Variants in MAPKBP1 observed in about 807,000 individuals in gnomAD.
MAPKBP1 encodes mitogen-activated protein kinase binding protein 1, also known as mitogen-activated protein kinase-binding protein 1.
A neutral mutation model predicts 170.5 loss-of-function variants in MAPKBP1; 71 were observed. The ratio of observed to expected loss-of-function variants is 0.42; its 90% CI spans 0.34 to 0.51. The LOEUF is 0.51. Among genes scored for constraint, MAPKBP1 ranks in the 20% least tolerant of loss-of-function variants. The probability of loss-of-function intolerance (pLI) is 0.06; values close to 1 mark genes in which losing one functional copy is unlikely to be tolerated. For missense variants in MAPKBP1, 1,598 were observed against 1,933.0 expected (o/e 0.83, Z 3.25); for synonymous variants, 719 against 757.9 (o/e 0.95, Z 0.84).
chr15:41,795,962 A>T (rs2064481511), intron 2 of MAPKBP1, among the ~76,000 whole-genome samples: 1 of 152,176 alleles, frequency 6.6e-6, no homozygotes, highest in Admixed American at 6.6e-5. Flanking sequence ...AGAAAAGACT[A>T]TAGGGGGTAA....
At chr15:41,799,751 C>T in intron 2 of MAPKBP1, 72 bp from the exon 3 acceptor site, 2 of 1,278,394 alleles carry the variant, frequency 1.6e-6, no homozygotes, top group South Asian at 2.4e-5. Context: ...CAGGATGGTC[C>T]CAAGTACCTT....
chr15:41,825,308 G>C lies in MAPKBP1; in HGVS notation c.4399G>C (p.Gly1467Arg). Reference sequence around the variant, plus strand: ...GCGACAGGAGCTGGAAGCTGTGGCTGGGGCAGTGCTGTCCAGCCCAGGCAG... The same window carrying C: ...GCGACAGGAGCTGGAAGCTGTGGCTCGGGCAGTGCTGTCCAGCCCAGGCAG... ...SVRQELEAVA[G>R]AVLSSPGSSP... Residue 1467 changes from glycine to arginine, a missense_variant, in exon 31 of 31, where the codon GGG becomes CGG. Gly to Arg is a moderately radical substitution (Grantham distance 125). Transcript: ENST00000457542. 4 of 1,613,214 alleles carry C rather than the reference G, an allele frequency of 2.5e-6. No individual in the cohort carries two copies. In the South Asian group the frequency reaches 3.3e-5, roughly 13 times the overall value.
At chr15:41,813,137 A>G (rs1596088111) in intron 8 of MAPKBP1, 36 bp downstream of exon 8, 4 of 1,575,370 alleles carry the variant, frequency 2.5e-6, no homozygotes, top group Non-Finnish European at 3.4e-6. Context: ...GGGTCTGCTC[A>G]TGTCTCAGCT....
At chr15:41,794,521 A>G (rs952870208) in intron 2 of MAPKBP1, among the ~76,000 whole-genome samples, 1 of 152,200 alleles carries the variant, frequency 6.6e-6, no homozygotes, top group Non-Finnish European at 1.5e-5. Flanking sequence ...TACCTGTACC[A>G]TTAAGTGCCC....
intron 2 of MAPKBP1, among the ~76,000 whole-genome samples, chr15:41,782,837 C>G (rs2064214328): frequency 6.6e-6 from 1 of 152,166 alleles, no homozygotes; most frequent in African/African-American, 2.4e-5. Context: ...TACTTTGTCC[C>G]CAACATTCCT....
In MAPKBP1 at chr15:41,778,937, A is replaced by T. The variant is rs140297397; in HGVS notation, c.114+3548A>T. Among the ~76,000 whole-genome samples the T allele has an allele frequency of 3.0e-4, 46 of 152,324 alleles. No homozygotes were observed. The East Asian group carries it at 8.5e-3, about 28-fold the overall frequency. On this transcript the variant is annotated intron_variant, in intron 2 of 30. Coordinates refer to ENST00000457542, the MANE Select transcript of MAPKBP1 (RefSeq NM_014994.3). Reference sequence around the variant, plus strand: ...ATCGTCCTCCTCCTTAAGAGCCATTAATCTGATCTAGGTTATATTATTCCT... The same window carrying T: ...ATCGTCCTCCTCCTTAAGAGCCATTTATCTGATCTAGGTTATATTATTCCT...
At position 41,818,355 on chromosome 15, in the gene MAPKBP1, G is replaced by T; in HGVS notation, c.2092+50G>T. The T allele has an allele frequency of 6.6e-7, 1 of 1,515,346 alleles. No individual in the cohort carries two copies. Among genetic ancestry groups the T allele is most frequent in the Admixed American group, 1.7e-5 (1 of 59,716 alleles). The allele number at this position is 1,515,346 out of a possible 1,614,324, so 93.9% of individuals were successfully genotyped here. ...TAGAAGCTGATACCTGCGTAAACCT[G>T]AGTGAGTTCCACCCCTGGAACTTCA... On this transcript the variant is annotated intron_variant, in intron 18 of 30. Transcript: ENST00000457542. The surrounding 1 kb of genome is among the most constrained non-coding windows in gnomAD (Gnocchi z 5.2).
chr15:41,799,093 T>G (rs1161874579), intron 2 of MAPKBP1, among the ~76,000 whole-genome samples: 1 of 152,108 alleles, frequency 6.6e-6, no homozygotes, highest in East Asian at 1.9e-4. Context: ...GGGGTAACAA[T>G]ACTAATGATG....
chr15:41,827,468 G>C lies in MAPKBP1; in HGVS notation c.*2032G>C, dbSNP rs1346245889. ...GGCGGGCCCGTGCCTGCTGTGCCCCGACTTCCCACACCAGCCGCGCCCACC... is the reference window on the plus strand; with the variant it reads ...GGCGGGCCCGTGCCTGCTGTGCCCCCACTTCCCACACCAGCCGCGCCCACC... On this transcript the variant is annotated 3_prime_UTR_variant, in exon 31 of 31. Transcript: ENST00000457542. 6.6e-6 allele frequency: 1 copy of C among 152,314 alleles called. No homozygotes were observed. Among genetic ancestry groups the C allele is most frequent in the Non-Finnish European group, 1.5e-5 (1 of 68,154 alleles). The allele number at this position is 152,314 out of a possible 1,614,324, so 9.4% of individuals were successfully genotyped here. A position where few individuals can be genotyped will look rare whatever the true frequency, so the allele number is the denominator to read the frequency against.
At chr15:41,785,846 A>C (rs900937128) in intron 2 of MAPKBP1, among the ~76,000 whole-genome samples, 2 of 152,222 alleles carry the variant, frequency 1.3e-5, no homozygotes, top group Non-Finnish European at 2.9e-5. Flanking sequence ...TCTATTAGAA[A>C]ATTTTGCATA....
chr15:41,786,777 A>AAAAAAAAAAAAAT, intron 2 of MAPKBP1, among the ~76,000 whole-genome samples: 1 of 32,470 alleles, frequency 3.1e-5, no homozygotes, highest in Admixed American at 3.9e-4. Context: ...AAAAAAAAAA[A>AAAAAAAAAAAAAT]ATATATATAT....
intron 2 of MAPKBP1, among the ~76,000 whole-genome samples, chr15:41,794,105 G>A (rs548672984): frequency 6.6e-6 from 1 of 152,202 alleles, no homozygotes; most frequent in East Asian, 1.9e-4. Flanking sequence ...GATGGTGGGT[G>A]CCTGTAATCC....
At chr15:41,814,973 A>G (rs2064865429) in intron 10 of MAPKBP1, among the ~76,000 whole-genome samples, 5 of 152,196 alleles carry the variant, frequency 3.3e-5, no homozygotes, top group Admixed American at 6.5e-5. Context: ...AATTTGACCA[A>G]GCCTCAGTTT....
Position 41,822,103 on chromosome 15 carries a change from C to G in MAPKBP1, c.3024C>G (p.Pro1008=). 6.2e-7 allele frequency: 1 copy of G among 1,605,554 alleles called. No individual in the cohort carries two copies. Residue 1008 remains proline, a synonymous_variant, in exon 25 of 31, where the codon CCC becomes CCG. Transcript: ENST00000457542. ...SSSCLSSPEH[P]TEDSESTEPL... ...GCTGCCTTTCCAGCCCGGAGCACCC[C>G]ACTGAAGGTGAGGCTGTAGCCTGGA... is the stretch of plus-strand genomic sequence containing the variant.
Position 41,815,148 on chromosome 15 carries a change from G to T in MAPKBP1, c.1171-111G>T, listed in dbSNP as rs536886303. On this transcript the variant is annotated intron_variant, in intron 10 of 30. Coordinates refer to ENST00000457542, the MANE Select transcript of MAPKBP1 (RefSeq NM_014994.3). ...ATGTATGGCCTGTGACAGGCACTGG[G>T]CTAAGTCCTGGCCACCATTCCCTTT... 790 of 1,332,828 alleles carry T rather than the reference G, an allele frequency of 5.9e-4. 4 individuals are homozygous for T. In the South Asian group the frequency reaches 8.5e-3, roughly 14 times the overall value. The allele number at this position is 1,332,828 out of a possible 1,614,324, so 82.6% of individuals were successfully genotyped here.
At chr15:41,819,107 TTCCCCCTGTTGAGTCTCCTC>T (rs1317365811) in intron 20 of MAPKBP1, 119 bp from the exon 21 acceptor site, 1 of 1,434,524 alleles carries the variant, frequency 7.0e-7, no homozygotes, top group African/African-American at 1.4e-5. Flanking sequence ...TGTCAGCCTC[TTCCCCCTGTTGAGTCTCCTC>T]TCCCCCTATT....
At position 41,775,389 on chromosome 15, in the gene MAPKBP1, G is replaced by A. The variant is rs1319835447; in HGVS notation, c.114G>A (p.Lys38=). 6.2e-7 allele frequency: 1 copy of A among 1,611,640 alleles called. No homozygotes were observed. The highest frequency in any genetic ancestry group is 8.5e-7 in the Non-Finnish European group (1 of 1,177,810). ...ACCGACGAGAGGACCTCAGCTCCAA[G>A]GTGAGTCCTGTTGGGATCCACCTCT... ...AGNRREDLSS[K]VTLEKVLGIT... The change falls in exon 2 of 31, where the codon AAG becomes AAA. Residue 38 remains lysine (K), a splice_region_variant and synonymous_variant. Coordinates refer to ENST00000457542, the MANE Select transcript of MAPKBP1 (RefSeq NM_014994.3).
In MAPKBP1 at chr15:41,822,628, C is replaced by T. The variant is rs371743632; in HGVS notation, c.3265C>T (p.Arg1089Trp). The change falls in exon 27 of 31, where the codon CGG becomes TGG. Residue 1089 changes from arginine (R) to tryptophan (W), a missense_variant. Coordinates refer to ENST00000457542, the MANE Select transcript of MAPKBP1 (RefSeq NM_014994.3). ...GCAGGTCCCAGAGAGGTCAGAGTCT[C>T]GGAGTATCTCTTCACGATTCCTGTT... is the stretch of plus-strand genomic sequence containing the variant. Reference protein sequence around the residue: ...PVQVPERSESRSISSRFLLQV... With the variant: ...PVQVPERSESWSISSRFLLQV... The T allele has an allele frequency of 1.5e-5, 25 of 1,613,962 alleles. No individual in the cohort carries two copies. Among genetic ancestry groups the T allele is most frequent in the East Asian group, 2.2e-5 (1 of 44,894 alleles).
At chr15:41,813,910 C>G (rs953428436) in intron 9 of MAPKBP1, 129 bp downstream of exon 9, 3 of 1,137,932 alleles carry the variant, frequency 2.6e-6, no homozygotes, top group Non-Finnish European at 3.6e-6. Flanking sequence ...CCTCTTTAGA[C>G]AGAAGAATTT....
Sources: gnomAD v4.1 joint callset for allele counts (sites outside exome capture counted in the v4.1 genomes callset) on GRCh38, gnomAD v4.1.1 for gene constraint, Gnocchi (gnomAD v3.1) non-coding constraint, MANE v1.5 for transcripts, NCBI Gene and HGNC (gene_info 2026-07-23, HGNC 2026-07-21) for gene names.